ABHD17B: variants seen among roughly 807,000 people sequenced by gnomAD.
ABHD17B encodes abhydrolase domain containing 17B, depalmitoylase.
A neutral mutation model predicts 26.2 loss-of-function variants in ABHD17B; 9 were observed. That is an observed-to-expected ratio of 0.34 (90% CI 0.21 to 0.60). The LOEUF is 0.60. ABHD17B is among the 20% of genes least tolerant of loss of function. The pLI is 0.80. For synonymous variants in ABHD17B, 127 were observed against 122.3 expected, an observed-to-expected ratio of 1.04 and a Z score of -0.25; for missense variants, 224 against 352.1, an observed-to-expected ratio of 0.64 and a Z score of 2.91.
chr9:71,890,235 A>G (rs953066664), intron 1 of ABHD17B, among the ~76,000 whole-genome samples: 1 of 152,182 alleles, frequency 6.6e-6, no homozygotes, highest in African/African-American at 2.4e-5. Flanking sequence ...GGTTGCAGTG[A>G]GCCAAGTTTG....
At chr9:71,875,230 CTTT>C in intron 1 of ABHD17B, 147 bp from the exon 2 acceptor site, 6 of 480,266 alleles carry the variant, frequency 1.2e-5, no homozygotes, top group Non-Finnish European at 2.2e-5. Flanking sequence ...TTTTTGGCTT[CTTT>C]TTTTTTTTTG....
chr9:71,866,367 A>C lies in ABHD17B; in HGVS notation c.*420T>G, dbSNP rs1434957924. The C allele has an allele frequency of 1.0e-6, 1 of 987,102 alleles. No individual in the cohort carries two copies. Among genetic ancestry groups the C allele is most frequent in the Non-Finnish European group, 1.2e-6 (1 of 825,958 alleles). 61.1% of individuals were successfully genotyped at this position (987,102 alleles called of 1,614,324 possible). ...CAGTTCATTCCATTATGAGTACTTA[A>C]ATTGCTTTAGATACATAGCTTTTTT... On this transcript the variant is annotated 3_prime_UTR_variant, in exon 4 of 4. Transcript: ENST00000333421.
chr9:71,894,153 T>C (rs1258210189), intron 1 of ABHD17B, among the ~76,000 whole-genome samples: 3 of 150,188 alleles, frequency 2.0e-5, no homozygotes, highest in Non-Finnish European at 4.4e-5. Flanking sequence ...CTAAGGATTG[T>C]TGGAGTTGTA....
Position 71,866,689 on chromosome 9 carries a change from G to A in ABHD17B, c.*98C>T, listed in dbSNP as rs1825963882. Reference sequence around the variant, plus strand: ...TACCTGTACATTTATGAAGGCAACTGACATGATTTGCAAACAAAACCTTCA... The same window carrying A: ...TACCTGTACATTTATGAAGGCAACTAACATGATTTGCAAACAAAACCTTCA... On this transcript the variant is annotated 3_prime_UTR_variant, in exon 4 of 4. Coordinates refer to ENST00000333421, the MANE Select transcript of ABHD17B (RefSeq NM_001025780.3). 4 of 1,513,646 alleles carry A rather than the reference G, an allele frequency of 2.6e-6. No homozygotes were observed. Among genetic ancestry groups the A allele is most frequent in the African/African-American group, 1.4e-5 (1 of 71,536 alleles). 93.8% of individuals were successfully genotyped at this position (1,513,646 alleles called of 1,614,324 possible).
intron 1 of ABHD17B, among the ~76,000 whole-genome samples, chr9:71,884,601 T>C (rs1826549568): frequency 6.6e-6 from 1 of 151,040 alleles, no homozygotes; most frequent in South Asian, 2.1e-4. Flanking sequence ...AGTATATGCT[T>C]ACCAAAGGGG....
intron 1 of ABHD17B, among the ~76,000 whole-genome samples, chr9:71,885,246 A>G (rs1212355858): frequency 7.9e-5 from 12 of 152,132 alleles, no homozygotes; most frequent in Non-Finnish European, 1.6e-4. Flanking sequence ...GGAGTTCGAG[A>G]CCAGCCTGGC....
chr9:71,893,116 C>T (rs892307782), intron 1 of ABHD17B, among the ~76,000 whole-genome samples: 7 of 152,148 alleles, frequency 4.6e-5, no homozygotes, highest in Non-Finnish European at 1.5e-5. Flanking sequence ...TTCCATTGTA[C>T]CTAAAACAAA....
chr9:71,874,518 T>C (rs1826202876), intron 2 of ABHD17B, 96 bp downstream of exon 2: 2 of 925,882 alleles, frequency 2.2e-6, no homozygotes, highest in Middle Eastern at 2.5e-4. Context: ...TATATAGCAG[T>C]TATGTATAAT....
chr9:71,869,047 A>G (rs1826038049), intron 3 of ABHD17B, among the ~76,000 whole-genome samples: 1 of 152,214 alleles, frequency 6.6e-6, no homozygotes, highest in South Asian at 2.1e-4. Flanking sequence ...AGAGGGAGCT[A>G]GATGGAGACA....
intron 1 of ABHD17B, among the ~76,000 whole-genome samples, chr9:71,899,634 A>G (rs1827074914): frequency 6.6e-6 from 1 of 152,236 alleles, no homozygotes; most frequent in African/African-American, 2.4e-5. Context: ...CAAGAGTTGG[A>G]AAATGAAGGT....
chr9:71,911,149 G>C lies in ABHD17B; in HGVS notation c.-519C>G, dbSNP rs1032612257. Among the ~76,000 whole-genome samples, 8 of 152,162 alleles carry C rather than the reference G, an allele frequency of 5.3e-5. No individual in the cohort carries two copies. In the South Asian group the frequency reaches 1.7e-3, roughly 31 times the overall value. On this transcript the variant is annotated 5_prime_UTR_variant, in exon 1 of 4. Transcript: ENST00000333421. ...GGGAGGAAGACTGGAGGGGAACGGA[G>C]GGGACGAGCACAATCCCCACTGAGC...
intron 1 of ABHD17B, among the ~76,000 whole-genome samples, chr9:71,888,314 A>G (rs1300740079): frequency 1.3e-5 from 2 of 152,192 alleles, no homozygotes; most frequent in Admixed American, 1.3e-4. Context: ...GAACAGACAC[A>G]TGTTTTCTCT....
At chr9:71,899,055 C>CA (rs1267744176) in intron 1 of ABHD17B, among the ~76,000 whole-genome samples, 1 of 151,282 alleles carries the variant, frequency 6.6e-6, no homozygotes, top group African/African-American at 2.4e-5. Context: ...ACCCGGTAGG[C>CA]AGAGGCTACA....
intron 1 of ABHD17B, among the ~76,000 whole-genome samples, chr9:71,879,093 C>T (rs1306139500): frequency 6.6e-6 from 1 of 152,132 alleles, no homozygotes; most frequent in African/African-American, 2.4e-5. Context: ...GAGGTCAAGG[C>T]TACAGCGAGC....
intron 1 of ABHD17B, among the ~76,000 whole-genome samples, chr9:71,878,523 C>T (rs889894031): frequency 1.3e-5 from 2 of 152,136 alleles, no homozygotes; most frequent in African/African-American, 4.8e-5. Context: ...ATCAGATGAA[C>T]ATATGACTTT....
At position 71,866,547 on chromosome 9, in the gene ABHD17B, T is replaced by C; in HGVS notation, c.*240A>G. On this transcript the variant is annotated 3_prime_UTR_variant, in exon 4 of 4. Coordinates refer to ENST00000333421, the MANE Select transcript of ABHD17B (RefSeq NM_001025780.3). ...AAATCTCATACAGTACTCATCTTGA[T>C]GTTAAAAAAAAATTCACAGAAAAAA... is the stretch of plus-strand genomic sequence containing the variant. The C allele has an allele frequency of 7.6e-7, 1 of 1,317,906 alleles. No individual in the cohort carries two copies. Among genetic ancestry groups the C allele is most frequent in the Non-Finnish European group, 9.7e-7 (1 of 1,032,686 alleles). The allele number at this position is 1,317,906 out of a possible 1,614,324, so 81.6% of individuals were successfully genotyped here.
chr9:71,873,317 T>G (rs1589213171), intron 2 of ABHD17B, among the ~76,000 whole-genome samples: 2 of 152,216 alleles, frequency 1.3e-5, no homozygotes, highest in South Asian at 4.1e-4. Flanking sequence ...ATGCAATTTC[T>G]AGTTCCCCAA....
intron 3 of ABHD17B, among the ~76,000 whole-genome samples, chr9:71,869,699 G>C (rs1826055927): frequency 6.6e-6 from 1 of 152,026 alleles, no homozygotes; most frequent in African/African-American, 2.4e-5. Flanking sequence ...GTGTCTCACT[G>C]GATGGCCCTA....
At chr9:71,870,018 A>G in intron 3 of ABHD17B, 65 bp downstream of exon 3, 1 of 1,403,828 alleles carries the variant, frequency 7.1e-7, no homozygotes, top group South Asian at 1.4e-5. Flanking sequence ...TGTCATGAAT[A>G]CTTTAAATGA....
Sources: gnomAD v4.1 joint callset for allele counts (sites outside exome capture counted in the v4.1 genomes callset) on GRCh38, gnomAD v4.1.1 for gene constraint, MANE v1.5 for transcripts, NCBI Gene and HGNC (gene_info 2026-07-23, HGNC 2026-07-21) for gene names.